ADAMTSL1: variants seen among roughly 807,000 people sequenced by gnomAD.
ADAMTSL1 encodes ADAMTS like 1, also known as ADAMTS-like protein 1.
A neutral mutation model predicts 201.8 loss-of-function variants in ADAMTSL1; 126 were observed. The ratio of observed to expected loss-of-function variants is 0.62; its 90% CI spans 0.54 to 0.72. The LOEUF is 0.72. ADAMTSL1 is among the 30% of genes least tolerant of loss of function. The pLI is 0.00. For missense variants in ADAMTSL1, 2,679 were observed against 2,277.8 expected, an observed-to-expected ratio of 1.18 and a Z score of -3.59; for synonymous variants, 1,121 against 903.4, an observed-to-expected ratio of 1.24 and a Z score of -4.32.
intron 1 of ADAMTSL1, among the ~76,000 whole-genome samples, chr9:17,936,313 T>A (rs770643767): frequency 1.3e-5 from 2 of 152,180 alleles, no homozygotes; most frequent in South Asian, 4.1e-4. Context: ...CATTTTTAAA[T>A]TATGACTCTT....
chr9:18,168,064 C>A (rs965901260), intron 2 of ADAMTSL1, among the ~76,000 whole-genome samples: 2 of 151,824 alleles, frequency 1.3e-5, no homozygotes, highest in Non-Finnish European at 2.9e-5. Context: ...TCTAAATTGC[C>A]TGTAACTTCA....
chr9:18,286,569 ATGGTTTT>A (rs1833001552), intron 2 of ADAMTSL1, among the ~76,000 whole-genome samples: 13 of 123,010 alleles, frequency 1.1e-4, no homozygotes, highest in African/African-American at 1.5e-4. Flanking sequence ...ATAGCAGTTT[ATGGTTTT>A]CAGATATAAT....
Position 18,277,863 on chromosome 9 carries a change from C to G in ADAMTSL1, c.207+113882C>G, listed in dbSNP as rs542421699. Among the ~76,000 whole-genome samples the G allele has an allele frequency of 2.3e-4, 35 of 152,122 alleles. No individual in the cohort carries two copies. In the South Asian group the frequency reaches 5.6e-3, roughly 24 times the overall value. On this transcript the variant is annotated intron_variant, in intron 2 of 29. Transcript: ENST00000680146. ...TTTCTGAAGGAACAAGTAATTTATT[C>G]TATTATTCCTCTCTTGTTGTCTTCC...
chr9:18,186,803 G>T (rs1828754346), intron 2 of ADAMTSL1, among the ~76,000 whole-genome samples: 1 of 151,418 alleles, frequency 6.6e-6, no homozygotes, highest in Middle Eastern at 3.4e-3. Context: ...TTATCATATT[G>T]TGCCAGCAGT....
In ADAMTSL1 at chr9:17,959,180, G is replaced by A. The variant is rs558016277; in HGVS notation, c.87+52258G>A. ...ATGTTTGACTTAAATGCTCAAAGAC[G>A]GCAAACTAAAAGTTAAATTTGTGCC... On this transcript the variant is annotated intron_variant, in intron 1 of 29. Transcript: ENST00000680146. Among the ~76,000 whole-genome samples the A allele has an allele frequency of 1.4e-4, 22 of 152,168 alleles. No homozygotes were observed. The South Asian group carries it at 3.7e-3, about 26-fold the overall frequency.
chr9:18,232,260 A>T (rs1377802754), intron 2 of ADAMTSL1, among the ~76,000 whole-genome samples: 1 of 151,966 alleles, frequency 6.6e-6, no homozygotes, highest in Admixed American at 6.6e-5. Flanking sequence ...CTCTACTTGG[A>T]CTGCTCTTCC....
Position 18,892,383 on chromosome 9 carries a change from C to A in ADAMTSL1, c.4644-6C>A. ...GGGCTCTCCTGACACTTCTTCCTCT[C>A]CCCAGGTGGATGGTGACCTCCTGGT... is the stretch of plus-strand genomic sequence containing the variant. On this transcript the variant is annotated splice_region_variant and splice_polypyrimidine_tract_variant and intron_variant, in intron 25 of 28. Transcript: ENST00000380548. The A allele has an allele frequency of 6.2e-7, 1 of 1,610,216 alleles. No homozygotes were observed. Among genetic ancestry groups the A allele is most frequent in the Non-Finnish European group, 8.5e-7 (1 of 1,178,636 alleles).
chr9:18,530,485 TC>T (rs1782158837), intron 2 of ADAMTSL1, among the ~76,000 whole-genome samples: 1 of 152,130 alleles, frequency 6.6e-6, no homozygotes, highest in African/African-American at 2.4e-5. Context: ...ATTACAAAGT[TC>T]AAAATTAGTA....
intron 2 of ADAMTSL1, among the ~76,000 whole-genome samples, chr9:18,426,814 T>C (rs891923295): frequency 6.6e-6 from 1 of 152,206 alleles, no homozygotes; most frequent in Non-Finnish European, 1.5e-5. Context: ...TAAATTTTTA[T>C]GCTCGTAATC....
rs1224795278 is a variant in ADAMTSL1 at position 18,574,061 on chromosome 9, C to T, written c.269C>T (p.Ala90Val). Reference protein sequence around the residue: ...DCPPEAGDFRAQQCSAHNDVK... With the variant: ...DCPPEAGDFRVQQCSAHNDVK... ...CCACCAGAAGCAGGTGATTTCCGAGCTCAGCAATGCTCAGCTCATAATGAT... is the reference window on the plus strand; with the variant it reads ...CCACCAGAAGCAGGTGATTTCCGAGTTCAGCAATGCTCAGCTCATAATGAT... Residue 90 changes from alanine to valine, a missense_variant, in exon 4 of 29, where the codon GCT (alanine) becomes GTT (valine). By Grantham distance (64) the Ala-to-Val change is moderately conservative (BLOSUM62 0). Transcript: ENST00000380548. 5 of 1,613,922 alleles carry T rather than the reference C, an allele frequency of 3.1e-6. No individual in the cohort carries two copies. The highest frequency in any genetic ancestry group is 3.3e-5 in the Admixed American group (2 of 59,988).
intron 1 of ADAMTSL1, among the ~76,000 whole-genome samples, chr9:18,152,152 A>G (rs1038903120): frequency 1.3e-5 from 2 of 152,090 alleles, no homozygotes; most frequent in African/African-American, 2.4e-5. Flanking sequence ...TACTCAAAGC[A>G]CACAGCAGAG....
At chr9:18,726,927 C>A (rs1419297690) in intron 15 of ADAMTSL1, among the ~76,000 whole-genome samples, 1 of 152,136 alleles carries the variant, frequency 6.6e-6, no homozygotes, top group Non-Finnish European at 1.5e-5. Context: ...TTTCTCAGAC[C>A]TAGGATGGTT....
chr9:18,152,294 A>G lies in ADAMTSL1; in HGVS notation c.88-11568A>G, dbSNP rs73645732. On this transcript the variant is annotated intron_variant, in intron 1 of 29. Coordinates refer to the ADAMTSL1 transcript ENST00000680146. ...TGCGTAGAAACAGCAGCCTTTAAGG[A>G]CTGATGAGATTTTAGTAGAAGGAGA... Among the ~76,000 whole-genome samples, 396 of 152,092 alleles carry G rather than the reference A, an allele frequency of 2.6e-3. 1 individual carries two copies. The highest frequency in any genetic ancestry group is 9.2e-3 in the African/African-American group (380 of 41,516).
intron 24 of ADAMTSL1, among the ~76,000 whole-genome samples, chr9:18,888,703 G>C (rs962708094): frequency 2.6e-5 from 4 of 152,184 alleles, no homozygotes; most frequent in Non-Finnish European, 5.9e-5. Flanking sequence ...CCATAGGCTT[G>C]TTCGACCTGT....
At chr9:18,305,050 T>C (rs1245774479) in intron 2 of ADAMTSL1, among the ~76,000 whole-genome samples, 1 of 151,990 alleles carries the variant, frequency 6.6e-6, no homozygotes, top group Non-Finnish European at 1.5e-5. Context: ...GTGCAGCCCA[T>C]GGATGGGGAG....
intron 16 of ADAMTSL1, among the ~76,000 whole-genome samples, chr9:18,761,686 C>T (rs1233545009): frequency 2.0e-5 from 3 of 152,098 alleles, no homozygotes; most frequent in African/African-American, 4.8e-5. Flanking sequence ...TTGGCCTCAC[C>T]GGGTCATCTT....
At chr9:18,393,306 C>T (rs1421339531) in intron 2 of ADAMTSL1, among the ~76,000 whole-genome samples, 1 of 152,110 alleles carries the variant, frequency 6.6e-6, no homozygotes, top group Admixed American at 6.5e-5. Context: ...ACTTAATTGC[C>T]TGTGAATGTA....
intron 23 of ADAMTSL1, among the ~76,000 whole-genome samples, chr9:18,882,757 G>A (rs1588300205): frequency 6.6e-6 from 1 of 152,256 alleles, no homozygotes; most frequent in East Asian, 1.9e-4. Flanking sequence ...ACTTTGGGAA[G>A]CTGAGGAGGG....
chr9:18,834,514 T>C lies in ADAMTSL1; in HGVS notation c.4249+4537T>C, dbSNP rs115388387. 5.8e-3 allele frequency among the ~76,000 whole-genome samples: 889 copies of C among 152,280 alleles called. 11 individuals carry two copies. Among genetic ancestry groups the C allele is most frequent in the African/African-American group, 0.02 (832 of 41,556 alleles). On this transcript the variant is annotated intron_variant, in intron 23 of 28. Coordinates refer to ENST00000380548, the MANE Select transcript of ADAMTSL1 (RefSeq NM_001040272.6). ...TAATACATATTTAAAGTTTAAAATA[T>C]GATGTTTTGATATATGTATACACCT...
Sources: gnomAD v4.1 joint callset for allele counts (sites outside exome capture counted in the v4.1 genomes callset) on GRCh38, gnomAD v4.1.1 for gene constraint, MANE v1.5 for transcripts, NCBI Gene and HGNC (gene_info 2026-07-23, HGNC 2026-07-21) for gene names.